The following RARB variants were observed in gnomAD, a reference collection of about 807,000 sequenced individuals.
RARB encodes retinoic acid receptor beta.
RARB carries 17 observed loss-of-function variants against 51.9 expected under a neutral mutation model. The observed-to-expected ratio is 0.33, with a 90% CI of 0.22 to 0.49. RARB has a LOEUF of 0.49. Ranked by LOEUF, RARB falls within the 20% of genes least tolerant of loss-of-function variation. The pLI, the probability that RARB is intolerant of heterozygous loss-of-function variation, is 0.99. For missense variants in RARB, 369 were observed against 550.8 expected, an observed-to-expected ratio of 0.67 and a Z score of 3.30; for synonymous variants, 215 against 195.4, an observed-to-expected ratio of 1.10 and a Z score of -0.84.
intron 2 of RARB, among the ~76,000 whole-genome samples, chr3:24,910,619 G>A (rs899114550): frequency 6.6e-6 from 1 of 152,126 alleles, no homozygotes; most frequent in Admixed American, 6.5e-5. Context: ...GTCTAACTTG[G>A]GTGCTCCTGG....
chr3:25,373,138 C>T (rs1483289510), intron 5 of RARB, among the ~76,000 whole-genome samples: 1 of 152,116 alleles, frequency 6.6e-6, no homozygotes. Context: ...AACAGTCAAG[C>T]AGGCTGTTAG....
intron 2 of RARB, among the ~76,000 whole-genome samples, chr3:25,020,996 A>G (rs1296651393): frequency 6.6e-6 from 1 of 152,094 alleles, no homozygotes; most frequent in Non-Finnish European, 1.5e-5. Flanking sequence ...AATATTTTAG[A>G]TTTTTCTAGT....
intron 5 of RARB, among the ~76,000 whole-genome samples, chr3:25,416,782 C>T (rs1707715768): frequency 6.6e-6 from 1 of 152,180 alleles, no homozygotes; most frequent in South Asian, 2.1e-4. Context: ...GGCAGCCTTA[C>T]TCAGTTCTTT....
At chr3:25,472,868 C>T (rs1044168602) in intron 2 of RARB, among the ~76,000 whole-genome samples, 1 of 152,132 alleles carries the variant, frequency 6.6e-6, no homozygotes, top group Non-Finnish European at 1.5e-5. Flanking sequence ...TACACGTAGA[C>T]AAAATTACCC....
intron 1 of RARB, among the ~76,000 whole-genome samples, chr3:24,833,952 A>G (rs76974434): frequency 0.023 from 3,478 of 152,270 alleles, 136 homozygotes; most frequent in African/African-American, 0.079. Context: ...CCTTTCACCT[A>G]TTATTTTTGT....
At chr3:25,378,759 A>C (rs746227265) in intron 5 of RARB, among the ~76,000 whole-genome samples, 2 of 152,230 alleles carry the variant, frequency 1.3e-5, no homozygotes, top group African/African-American at 2.4e-5. Flanking sequence ...AGACTCAGCT[A>C]ATAGGTAACT....
At chr3:25,510,488 TG>T (rs1218185768) in intron 3 of RARB, among the ~76,000 whole-genome samples, 1 of 151,904 alleles carries the variant, frequency 6.6e-6, no homozygotes, top group Middle Eastern at 3.2e-3. Flanking sequence ...TAGCCGGGCA[TG>T]GTGGTGAGCC....
intron 5 of RARB, among the ~76,000 whole-genome samples, chr3:25,381,712 C>G (rs984364661): frequency 6.6e-6 from 1 of 152,148 alleles, no homozygotes; most frequent in East Asian, 1.9e-4. Context: ...GTCCTTGGAC[C>G]AGCAGCATCA....
In RARB at chr3:25,076,146, A is replaced by AT. The variant is rs34420684; in HGVS notation, c.-328+15984dup. ...GTAGTATCCCCAGAAGCAGTTATTT[A>AT]TTTTTTTTTTTTTTAGACAAAATCT... On this transcript the variant is annotated intron_variant, in intron 3 of 11. Transcript: ENST00000383772. 1.6e-3 allele frequency among the ~76,000 whole-genome samples: 235 copies of AT among 146,326 alleles called. 1 individual carries two copies. The highest frequency in any genetic ancestry group is 0.013 in the South Asian group (60 of 4,630).
chr3:25,029,181 G>A (rs929267606), intron 2 of RARB, among the ~76,000 whole-genome samples: 3 of 152,142 alleles, frequency 2.0e-5, no homozygotes, highest in African/African-American at 7.2e-5. Flanking sequence ...ATTTTAGAGA[G>A]GGCATTTTCC....
At chr3:25,328,176 C>G (rs1392912084) in intron 5 of RARB, among the ~76,000 whole-genome samples, 1 of 152,198 alleles carries the variant, frequency 6.6e-6, no homozygotes, top group African/African-American at 2.4e-5. Context: ...AATGGCAATA[C>G]AAGATATTTG....
At chr3:25,594,838 TAAAA>T (rs3836380) in intron 7 of RARB, among the ~76,000 whole-genome samples, 160 bp downstream of exon 7, 1 of 130,888 alleles carries the variant, frequency 7.6e-6, no homozygotes, top group Non-Finnish European at 1.7e-5. Context: ...CTCCCCCCTC[TAAAA>T]AAAAAAAAAA....
chr3:24,891,402 T>C (rs909267729), intron 2 of RARB, among the ~76,000 whole-genome samples: 7 of 152,234 alleles, frequency 4.6e-5, no homozygotes, highest in South Asian at 2.1e-4. Context: ...TGCTTCAGTT[T>C]TCCAACATCT....
intron 2 of RARB, among the ~76,000 whole-genome samples, chr3:24,951,701 G>T (rs562949005): frequency 8.5e-5 from 13 of 152,302 alleles, no homozygotes; most frequent in Admixed American, 3.3e-4. Context: ...AAATCATTTA[G>T]TTGATAGGAA....
chr3:25,520,413 C>CCTCT (rs1479494794), intron 3 of RARB, among the ~76,000 whole-genome samples: 1 of 152,140 alleles, frequency 6.6e-6, no homozygotes, highest in African/African-American at 2.4e-5. Flanking sequence ...TTAAACTATT[C>CCTCT]CTCTCCCAGT....
At chr3:25,093,027 A>G (rs2125317672) in intron 3 of RARB, among the ~76,000 whole-genome samples, 1 of 152,302 alleles carries the variant, frequency 6.6e-6, no homozygotes, top group African/African-American at 2.4e-5. Context: ...CTTAGAGCAC[A>G]GGTGTTGCTT....
chr3:24,996,240 G>A (rs141675381), intron 2 of RARB, among the ~76,000 whole-genome samples: 10 of 151,914 alleles, frequency 6.6e-5, no homozygotes, highest in African/African-American at 2.4e-4. Context: ...CCAATTTAAT[G>A]GCCTATAGTT....
At chr3:25,283,329 A>G (rs1013722255) in intron 5 of RARB, among the ~76,000 whole-genome samples, 4 of 152,128 alleles carry the variant, frequency 2.6e-5, no homozygotes, top group Non-Finnish European at 5.9e-5. Flanking sequence ...GAGAATAGCA[A>G]CTCAACGTGT....
rs563288964 is a variant in RARB, at chr3:25,355,262, C to T, written c.179-105931C>T. Among the ~76,000 whole-genome samples, 13 of 151,606 alleles carry T rather than the reference C, an allele frequency of 8.6e-5. No homozygotes were observed. In the South Asian group the frequency reaches 1.2e-3, roughly 15 times the overall value. On this transcript the variant is annotated intron_variant, in intron 5 of 11. Coordinates refer to the RARB transcript ENST00000383772. ...GCATGAGAAGCCTGATTGCCACCAT[C>T]GGGCTGGTTGTTGTGGTTAGGTTTG...
Sources: allele counts gnomAD v4.1 joint callset (sites outside exome capture counted in the v4.1 genomes callset), GRCh38; gene constraint gnomAD v4.1.1; transcripts MANE v1.5; gene names NCBI Gene and HGNC (gene_info 2026-07-23, HGNC 2026-07-21).